Variants in RNF157 observed in about 807,000 individuals in gnomAD.
RNF157 encodes the protein E3 ubiquitin ligase RNF157.
Under a neutral mutation model 88.3 loss-of-function variants are expected in RNF157, and 55 were observed. That is an observed-to-expected ratio of 0.62 (90% confidence interval 0.50 to 0.78). The LOEUF (loss-of-function observed/expected upper bound fraction) is 0.78. Among genes scored for constraint, RNF157 ranks in the 30% least tolerant of loss-of-function variants. The pLI is 0.00. For missense variants in RNF157, 788 were observed against 860.8 expected, an observed-to-expected ratio of 0.92 and a Z score of 1.06; for synonymous variants, 334 against 341.2, an observed-to-expected ratio of 0.98 and a Z score of 0.23.
chr17:76,150,820 C>T (rs1054260916), intron 18 of RNF157, among the ~76,000 whole-genome samples: 1 of 152,232 alleles, frequency 6.6e-6, no homozygotes, highest in African/African-American at 2.4e-5. Context: ...GCTCACAGCC[C>T]CACGCGAGCG....
At position 76,162,009 on chromosome 17, in the gene RNF157, A is replaced by C; in HGVS notation, c.793-7T>G. 6.2e-7 allele frequency: 1 copy of C among 1,611,868 alleles called. No individual in the cohort carries two copies. Among genetic ancestry groups the C allele is most frequent in the Non-Finnish European group, 8.5e-7 (1 of 1,178,380 alleles). On this transcript the variant is annotated splice_region_variant and splice_polypyrimidine_tract_variant and intron_variant, in intron 9 of 18. Coordinates refer to ENST00000269391, the MANE Select transcript of RNF157 (RefSeq NM_052916.3). ...TCACTTCGTCTTCAGCCACCTGGCC[A>C]AGGAGAAAGAAATGTAGCCAATGGC... is the stretch of plus-strand genomic sequence containing the variant.
intron 1 of RNF157, among the ~76,000 whole-genome samples, chr17:76,214,809 C>T (rs1270586093): frequency 6.6e-6 from 1 of 152,174 alleles, no homozygotes; most frequent in Non-Finnish European, 1.5e-5. Context: ...AAATTCCCAT[C>T]AGCCTCATCC....
chr17:76,191,162 A>G (rs1041456875), intron 2 of RNF157, among the ~76,000 whole-genome samples: 1 of 152,136 alleles, frequency 6.6e-6, no homozygotes, highest in Non-Finnish European at 1.5e-5. Context: ...CATTTACCCT[A>G]AAGTTCAGTG....
intron 2 of RNF157, among the ~76,000 whole-genome samples, chr17:76,199,837 T>G (rs1255963729): frequency 6.6e-6 from 1 of 152,114 alleles, no homozygotes; most frequent in African/African-American, 2.4e-5. Flanking sequence ...TCATCTTTAT[T>G]AAGGATGAAA....
chr17:76,204,212 CT>C (rs201057176), intron 2 of RNF157, among the ~76,000 whole-genome samples: 1,734 of 152,330 alleles, frequency 0.011, 36 homozygotes, highest in African/African-American at 0.039. Context: ...ACTTCTGCAT[CT>C]TTATGCTTCC....
At chr17:76,188,400 T>C (rs903126598) in intron 2 of RNF157, among the ~76,000 whole-genome samples, 8 of 152,200 alleles carry the variant, frequency 5.3e-5, no homozygotes, top group Non-Finnish European at 1.2e-4. Context: ...GTTCTTCCTC[T>C]TTTTACTGAT....
At chr17:76,165,635 C>A in intron 6 of RNF157, 90 bp from the exon 7 acceptor site, 2 of 1,370,634 alleles carry the variant, frequency 1.5e-6, no homozygotes, top group African/African-American at 1.4e-5. Flanking sequence ...ATCTGGCAAA[C>A]CAAATGTGCC....
rs1234973111 is a variant in RNF157 at position 76,167,102 on chromosome 17, G to A, written c.468C>T (p.Leu156=). 1 of 1,612,616 alleles carries A rather than the reference G, an allele frequency of 6.2e-7. No individual in the cohort carries two copies. The highest frequency in any genetic ancestry group is 8.5e-7 in the Non-Finnish European group (1 of 1,179,714). The change falls in exon 5 of 19, where the codon CTC becomes CTT. Residue 156 remains leucine, a synonymous_variant. Transcript: ENST00000269391. ...IASYIPKDNS[L]QSETVQYKRG... is the part of the protein sequence containing the mutation. ...GCTTGTACTGCACAGTCTCCGACTGGAGGCTGTTGTCTTTGGGAATGTAGC... is the reference window on the plus strand; with the variant it reads ...GCTTGTACTGCACAGTCTCCGACTGAAGGCTGTTGTCTTTGGGAATGTAGC...
At chr17:76,239,841 A>G (rs1377029104) in intron 1 of RNF157, among the ~76,000 whole-genome samples, 1 of 151,930 alleles carries the variant, frequency 6.6e-6, no homozygotes, top group African/African-American at 2.4e-5. Context: ...GCTCCCCAGG[A>G]GCCTCGGTCC....
At chr17:76,169,937 C>G (rs2144867272) in intron 3 of RNF157, among the ~76,000 whole-genome samples, 1 of 152,282 alleles carries the variant, frequency 6.6e-6, no homozygotes. Context: ...CTATTATAGG[C>G]ATTCCTTACA....
At chr17:76,207,478 TG>T (rs149468476) in intron 2 of RNF157, among the ~76,000 whole-genome samples, 5 of 151,740 alleles carry the variant, frequency 3.3e-5, no homozygotes, top group African/African-American at 1.2e-4. Flanking sequence ...AGATCTGTGG[TG>T]CGAAGTACAG....
Position 76,161,575 on chromosome 17 carries a change from G to A in RNF157, c.1025C>T (p.Pro342Leu), listed in dbSNP as rs761267676. The A allele has an allele frequency of 1.2e-6, 2 of 1,613,988 alleles. No homozygotes were observed. The highest frequency in any genetic ancestry group is 2.7e-5 in the African/African-American group (2 of 74,896). The change falls in exon 11 of 19, where the codon CCC (proline) becomes CTC (leucine). Residue 342 changes from proline (P) to leucine (L), a missense_variant. Transcript: ENST00000269391. The surrounding 1 kb of genome is among the most constrained non-coding windows in gnomAD (Gnocchi z 4.6). ...LGPLSPTSFN[P>L]IISSQTSDSE... is the part of the protein sequence containing the mutation. ...GTCAGATGTCTGGGATGAGATGATG[G>A]GGTTAAAGCTGGTTGGGGACAAGGG...
At chr17:76,231,522 T>G (rs2070193177) in intron 1 of RNF157, among the ~76,000 whole-genome samples, 1 of 152,096 alleles carries the variant, frequency 6.6e-6, no homozygotes, top group Non-Finnish European at 1.5e-5. Flanking sequence ...GGTCTCAAAC[T>G]CCTAACCTCA....
chr17:76,164,677 G>A, intron 8 of RNF157, 71 bp downstream of exon 8: 3 of 858,560 alleles, frequency 3.5e-6, no homozygotes, highest in South Asian at 2.0e-5. Flanking sequence ...GAGGGAGAGA[G>A]AAGAAGAAAG....
Position 76,146,593 on chromosome 17 carries a change from C to T in RNF157, c.1922-1240G>A. 1 of 985,466 alleles carries T rather than the reference C, an allele frequency of 1.0e-6. No homozygotes were observed. Among genetic ancestry groups the T allele is most frequent in the African/African-American group, 1.7e-5 (1 of 57,360 alleles). 61.0% of individuals were successfully genotyped at this position (985,466 alleles called of 1,614,324 possible). A position where few individuals can be genotyped will look rare whatever the true frequency, so the allele number is the denominator to read the frequency against. ...CCCAGCCGTGTCTCCCAGTGGCCTC[C>T]CCTCACGAGGCATCTCTGGCCGGGG... is the stretch of plus-strand genomic sequence containing the variant. On this transcript the variant is annotated intron_variant, in intron 18 of 18. Transcript: ENST00000269391. The surrounding 1 kb of genome is among the most constrained non-coding windows in gnomAD (Gnocchi z 4.2).
chr17:76,165,561 G>A lies in RNF157; in HGVS notation c.629-16C>T, dbSNP rs1352357055. On this transcript the variant is annotated splice_polypyrimidine_tract_variant and intron_variant, in intron 6 of 18. Transcript: ENST00000269391. The stretch of plus-strand genomic sequence containing the variant: ...CCAAAATACTCTGAAAGAAACAAAG[G>A]CACGTGAGTGAAGAAGCCCAAACAG... 13 of 1,614,136 alleles carry A rather than the reference G, an allele frequency of 8.1e-6. No individual in the cohort carries two copies. The highest frequency in any genetic ancestry group is 1.7e-5 in the Admixed American group (1 of 60,026).
chr17:76,180,978 G>A (rs1288956059), intron 2 of RNF157, among the ~76,000 whole-genome samples: 1 of 152,020 alleles, frequency 6.6e-6, no homozygotes, highest in Non-Finnish European at 1.5e-5. Flanking sequence ...AAATACAGTA[G>A]CCGACTGAAA....
At position 76,152,457 on chromosome 17, in the gene RNF157, T is replaced by C; in HGVS notation, c.1819A>G (p.Thr607Ala). ...CACTCCATACCTAGAAATGCGCACG[T>C]CCTCTGGCCTGTAACGGAGTTAATG... ...DGSPTQEGQR[T>A]CAFLGMECDN... The change falls in exon 18 of 19, where the codon ACG becomes GCG. Residue 607 changes from threonine to alanine, a missense_variant. Coordinates refer to ENST00000269391, the MANE Select transcript of RNF157 (RefSeq NM_052916.3). The C allele has an allele frequency of 6.2e-7, 1 of 1,609,508 alleles. No homozygotes were observed.
In RNF157 at chr17:76,166,315, C is replaced by T. The variant is rs564495130; in HGVS notation, c.628+146G>A. 4.3e-6 allele frequency: 3 copies of T among 703,868 alleles called. No individual in the cohort carries two copies. The South Asian group carries it at 4.9e-5, about 12-fold the overall frequency. 43.6% of individuals were successfully genotyped at this position (703,868 alleles called of 1,614,324 possible). Reference sequence around the variant, plus strand: ...ACATCAGCCCAGGAGCTTGGAGTCACAGATGTGAGAGGATGCAGAGACTGC... The same window carrying T: ...ACATCAGCCCAGGAGCTTGGAGTCATAGATGTGAGAGGATGCAGAGACTGC... On this transcript the variant is annotated intron_variant, in intron 6 of 18. Transcript: ENST00000269391.
Sources: gnomAD v4.1 joint callset for allele counts (sites outside exome capture counted in the v4.1 genomes callset) on GRCh38, gnomAD v4.1.1 for gene constraint, Gnocchi (gnomAD v3.1) non-coding constraint, MANE v1.5 for transcripts, NCBI Gene and HGNC (gene_info 2026-07-23, HGNC 2026-07-21) for gene names.